The following RPRD1B variants were observed in gnomAD, a reference collection of about 807,000 sequenced individuals.
RPRD1B encodes regulation of nuclear pre-mRNA domain-containing protein 1B.
Under a neutral mutation model 41.5 loss-of-function variants are expected in RPRD1B, and 11 were observed. The observed-to-expected ratio is 0.27, with a 90% confidence interval of 0.17 to 0.44. RPRD1B has a LOEUF of 0.44. Among genes scored for constraint, RPRD1B ranks in the 20% least tolerant of loss-of-function variants. RPRD1B has a pLI of 1.00. For synonymous variants in RPRD1B, 158 were observed against 155.6 expected, an observed-to-expected ratio of 1.02 and a Z score of -0.12; for missense variants, 248 against 389.9, an observed-to-expected ratio of 0.64 and a Z score of 3.06.
At chr20:38,087,819 G>T (rs1270368925) in intron 6 of RPRD1B, among the ~76,000 whole-genome samples, 1 of 152,146 alleles carries the variant, frequency 6.6e-6, no homozygotes, top group Non-Finnish European at 1.5e-5. Context: ...TGAGTCTCAG[G>T]AGCTACTTCA....
chr20:38,033,844 A>G lies in RPRD1B; in HGVS notation c.-104A>G. 3 of 1,213,572 alleles carry G rather than the reference A, an allele frequency of 2.5e-6. No individual in the cohort carries two copies. The highest frequency in any genetic ancestry group is 3.4e-6 in the Non-Finnish European group (3 of 887,612). 75.2% of individuals were successfully genotyped at this position (1,213,572 alleles called of 1,614,324 possible). A position where few individuals can be genotyped will look rare whatever the true frequency, so the allele number is the denominator to read the frequency against. On this transcript the variant is annotated 5_prime_UTR_variant, in exon 1 of 7. Transcript: ENST00000373433. The stretch of plus-strand genomic sequence containing the variant: ...CCCCTGGCAGTCTGTCAGTCGGTAA[A>G]AAGTCCCGCAGCCTGTCAGGTGAGG...
chr20:38,072,825 A>G (rs1200459466), intron 6 of RPRD1B, among the ~76,000 whole-genome samples: 3 of 152,202 alleles, frequency 2.0e-5, no homozygotes, highest in African/African-American at 4.8e-5. Context: ...CCTCTAGAAG[A>G]TATGAGTATT....
At chr20:38,048,302 C>A in intron 2 of RPRD1B, 46 bp from the exon 3 acceptor site, 2 of 1,551,752 alleles carry the variant, frequency 1.3e-6, no homozygotes, top group South Asian at 1.2e-5. Flanking sequence ...TAATTAAAAG[C>A]AAAAAATCTT....
chr20:38,043,637 T>C (rs1015885831), intron 2 of RPRD1B, among the ~76,000 whole-genome samples: 2 of 152,216 alleles, frequency 1.3e-5, no homozygotes, highest in Admixed American at 1.3e-4. Flanking sequence ...AATGGGAAGA[T>C]ACTAATAGCT....
intron 6 of RPRD1B, among the ~76,000 whole-genome samples, chr20:38,076,717 C>T (rs1265585402): frequency 1.3e-5 from 2 of 151,308 alleles, no homozygotes; most frequent in African/African-American, 4.9e-5. Context: ...TAGTCTCTGC[C>T]TCTTGGCTCC....
At chr20:38,075,813 G>A (rs2074453803) in intron 6 of RPRD1B, among the ~76,000 whole-genome samples, 1 of 152,214 alleles carries the variant, frequency 6.6e-6, no homozygotes, top group Admixed American at 6.5e-5. Flanking sequence ...CAAAGATATG[G>A]CATGCTTTAT....
chr20:38,073,920 C>G (rs2074435613), intron 6 of RPRD1B, among the ~76,000 whole-genome samples: 1 of 152,184 alleles, frequency 6.6e-6, no homozygotes, highest in Non-Finnish European at 1.5e-5. Context: ...GTGCCGGCCC[C>G]CTCCTCTCAG....
intron 6 of RPRD1B, among the ~76,000 whole-genome samples, chr20:38,066,686 C>T (rs941605451): frequency 3.9e-5 from 6 of 152,028 alleles, no homozygotes; most frequent in South Asian, 2.1e-4. Context: ...GACGCAGTCT[C>T]GCTCCGTCGC....
chr20:38,038,957 A>C (rs2074035070), intron 1 of RPRD1B, among the ~76,000 whole-genome samples: 1 of 152,248 alleles, frequency 6.6e-6, no homozygotes, highest in South Asian at 2.1e-4. Flanking sequence ...GTACTTTAGC[A>C]TTGGAGAAAA....
chr20:38,040,384 A>G, intron 1 of RPRD1B, 51 bp from the exon 2 acceptor site: 1 of 1,480,840 alleles, frequency 6.8e-7, no homozygotes, highest in Non-Finnish European at 9.1e-7. Flanking sequence ...AGAATTGTGA[A>G]TTGAGAATTT....
chr20:38,056,373 A>G (rs1186527362), intron 3 of RPRD1B, among the ~76,000 whole-genome samples: 2 of 152,088 alleles, frequency 1.3e-5, no homozygotes, highest in African/African-American at 4.8e-5. Context: ...CCTGGGCAAG[A>G]GAGCAAAAAC....
At chr20:38,038,758 G>A (rs557366499) in intron 1 of RPRD1B, among the ~76,000 whole-genome samples, 4 of 152,078 alleles carry the variant, frequency 2.6e-5, no homozygotes, top group South Asian at 2.1e-4. Flanking sequence ...TTGGCCTCCC[G>A]GAGTGCTGGG....
At chr20:38,078,040 G>A (rs971384345) in intron 6 of RPRD1B, among the ~76,000 whole-genome samples, 6 of 151,906 alleles carry the variant, frequency 3.9e-5, no homozygotes, top group Admixed American at 1.3e-4. Flanking sequence ...GCTGGGCATC[G>A]TGGTTCATGC....
intron 6 of RPRD1B, chr20:38,070,834 C>T (rs1446700863): frequency 4.8e-6 from 3 of 619,090 alleles, no homozygotes; most frequent in Admixed American, 6.5e-5. Context: ...CGGGTTCAAG[C>T]GATTCTCGTG....
Position 38,091,424 on chromosome 20 carries a change from G to C in RPRD1B, c.*1549G>C, listed in dbSNP as rs1160954194. 31 of 985,284 alleles carry C rather than the reference G, an allele frequency of 3.1e-5. No homozygotes were observed. The highest frequency in any genetic ancestry group is 3.6e-5 in the Non-Finnish European group (30 of 829,932). The allele number at this position is 985,284 out of a possible 1,614,324, so 61.0% of individuals were successfully genotyped here. ...AATGAAAAGTCATAGCAGATACTCA[G>C]TTTAACTCTGTGTAGAACCTAGTAG... On this transcript the variant is annotated 3_prime_UTR_variant, in exon 7 of 7. Transcript: ENST00000373433.
At chr20:38,059,671 C>T (rs2074277672) in intron 5 of RPRD1B, 151 bp downstream of exon 5, 4 of 662,298 alleles carry the variant, frequency 6.0e-6, no homozygotes, top group Non-Finnish European at 9.6e-6. Flanking sequence ...ACATAACTCA[C>T]ATGGTGAACA....
rs145676876 is a variant in RPRD1B, at chr20:38,086,635, C to T, written c.832-3091C>T. On this transcript the variant is annotated intron_variant, in intron 6 of 6. Coordinates refer to ENST00000373433, the MANE Select transcript of RPRD1B (RefSeq NM_021215.4). ...AAGGCGTGAGCCACCATGCCCAGGC[C>T]AGCCTTGATGTTTATTAATCCTTTT... Among the ~76,000 whole-genome samples, 1,270 of 152,226 alleles carry T rather than the reference C, an allele frequency of 8.3e-3. 10 individuals are homozygous for T. Among genetic ancestry groups the T allele is most frequent in the African/African-American group, 0.025 (1,041 of 41,522 alleles).
intron 4 of RPRD1B, among the ~76,000 whole-genome samples, chr20:38,058,401 C>T (rs2074264860): frequency 7.1e-6 from 1 of 140,332 alleles, no homozygotes. Context: ...AGTGTTAGGT[C>T]ATATATCTTT....
At position 38,088,360 on chromosome 20, in the gene RPRD1B, T is replaced by C. The variant is rs2074581194; in HGVS notation, c.832-1366T>C. On this transcript the variant is annotated intron_variant, in intron 6 of 6. Coordinates refer to ENST00000373433, the MANE Select transcript of RPRD1B (RefSeq NM_021215.4). ...ATTTAGAACTTGAAAAGAAGTGTTA[T>C]GGTCCAGTTCCCTCACTTTCAGATA... 2.6e-5 allele frequency among the ~76,000 whole-genome samples: 4 copies of C among 152,236 alleles called. No individual in the cohort carries two copies. The South Asian group carries it at 8.3e-4, about 32-fold the overall frequency.
Sources: gnomAD v4.1 joint callset for allele counts (sites outside exome capture counted in the v4.1 genomes callset) on GRCh38, gnomAD v4.1.1 for gene constraint, MANE v1.5 for transcripts, NCBI Gene and HGNC (gene_info 2026-07-23, HGNC 2026-07-21) for gene names.